Variants in OLFM3 observed in about 807,000 individuals in gnomAD.
The protein encoded by OLFM3 is noelin-3.
A neutral mutation model predicts 48.6 loss-of-function variants in OLFM3; 20 were observed. That is an observed-to-expected ratio of 0.41 (90% CI 0.29 to 0.60). The LOEUF (loss-of-function observed/expected upper bound fraction) is 0.60. Ranked by LOEUF, OLFM3 falls within the 20% of genes least tolerant of loss-of-function variation. OLFM3 has a pLI of 0.28. For synonymous variants in OLFM3, 222 were observed against 198.1 expected, an observed-to-expected ratio of 1.12 and a Z score of -1.01; for missense variants, 437 against 544.3, an observed-to-expected ratio of 0.80 and a Z score of 1.96.
At chr1:101,976,761 A>G (rs1278177485) in intron 1 of OLFM3, among the ~76,000 whole-genome samples, 1 of 152,212 alleles carries the variant, frequency 6.6e-6, no homozygotes, top group Non-Finnish European at 1.5e-5. Flanking sequence ...TCTGTAAATT[A>G]GAAAAGTAAT....
At chr1:101,889,431 T>G (rs1423634010) in intron 1 of OLFM3, among the ~76,000 whole-genome samples, 1 of 152,032 alleles carries the variant, frequency 6.6e-6, no homozygotes, top group African/African-American at 2.4e-5. Context: ...ATGTTTTCAT[T>G]TATAGGTGGG....
chr1:101,919,044 A>C (rs1412700705), intron 1 of OLFM3, among the ~76,000 whole-genome samples: 1 of 152,180 alleles, frequency 6.6e-6, no homozygotes, highest in Admixed American at 6.6e-5. Context: ...GTTCACTGTT[A>C]CATATCAACC....
intron 1 of OLFM3, among the ~76,000 whole-genome samples, chr1:101,968,555 A>T (rs1660690720): frequency 1.4e-5 from 2 of 139,152 alleles, no homozygotes; most frequent in Admixed American, 1.4e-4. Flanking sequence ...AAAAAAAGGC[A>T]TTAGTACCCC....
chr1:101,814,235 A>G (rs747102263), intron 4 of OLFM3, among the ~76,000 whole-genome samples: 6 of 148,712 alleles, frequency 4.0e-5, no homozygotes, highest in Non-Finnish European at 7.4e-5. Context: ...TATGTGCTTC[A>G]TTCATTTATT....
intron 1 of OLFM3, among the ~76,000 whole-genome samples, chr1:101,973,160 A>G (rs940033769): frequency 6.6e-6 from 1 of 152,266 alleles, no homozygotes; most frequent in Non-Finnish European, 1.5e-5. Context: ...TCATATAATT[A>G]TAGAAGCCCA....
intron 1 of OLFM3, among the ~76,000 whole-genome samples, chr1:101,894,791 T>C (rs983640709): frequency 1.3e-5 from 2 of 152,182 alleles, no homozygotes; most frequent in African/African-American, 4.8e-5. Context: ...ATTCTATAAC[T>C]GTGTAACTTT....
chr1:101,860,982 G>A (rs1025055965), intron 1 of OLFM3, among the ~76,000 whole-genome samples: 1 of 152,036 alleles, frequency 6.6e-6, no homozygotes, highest in Non-Finnish European at 1.5e-5. Flanking sequence ...TTTTAGGGAC[G>A]GATCCTACTA....
At chr1:101,820,959 C>T (rs969051826) in intron 4 of OLFM3, among the ~76,000 whole-genome samples, 8 of 151,994 alleles carry the variant, frequency 5.3e-5, no homozygotes, top group African/African-American at 1.7e-4. Flanking sequence ...GCTGTTGTTA[C>T]TATATTGCTG....
intron 1 of OLFM3, chr1:101,846,761 A>C: frequency 1.0e-6 from 1 of 986,246 alleles, no homozygotes; most frequent in Non-Finnish European, 1.6e-6. Context: ...GCAGAAGCAA[A>C]ATCTTAGCCT....
chr1:101,910,165 A>T (rs1658700441), intron 1 of OLFM3: 1 of 984,626 alleles, frequency 1.0e-6, no homozygotes. Flanking sequence ...AGTATCTATC[A>T]TGTTAAAAAG....
At chr1:101,890,642 G>T (rs529390580) in intron 1 of OLFM3, among the ~76,000 whole-genome samples, 1 of 149,738 alleles carries the variant, frequency 6.7e-6, no homozygotes, top group Admixed American at 6.7e-5. Flanking sequence ...TCTGATATCT[G>T]CATAAAATTA....
Position 101,871,438 on chromosome 1 carries a change from A to T in OLFM3, c.70-34413T>A, listed in dbSNP as rs915616845. ...AAGGTTAGTTTTACTTTACTAGTTA[A>T]TTTACTCATAGTAAATTGTGTAAAA... On this transcript the variant is annotated intron_variant, in intron 1 of 5. Transcript: ENST00000370103. Among the ~76,000 whole-genome samples the T allele has an allele frequency of 2.0e-5, 3 of 152,112 alleles. No homozygotes were observed. The East Asian group carries it at 5.8e-4, about 29-fold the overall frequency.
In OLFM3 at chr1:101,847,965, G is replaced by A. The variant is rs182616407; in HGVS notation, c.70-10940C>T. Among the ~76,000 whole-genome samples the A allele has an allele frequency of 5.9e-4, 90 of 152,140 alleles. 1 individual carries two copies. The highest frequency in any genetic ancestry group is 1.6e-4 in the Non-Finnish European group (11 of 67,998). ...GGCTTCAGTTTTTTCTACAATATAA[G>A]GATGTTGGAAAATATGCTCTCCAAG... On this transcript the variant is annotated intron_variant, in intron 1 of 5. Transcript: ENST00000370103.
At chr1:101,879,047 G>A (rs1400096404) in intron 1 of OLFM3, among the ~76,000 whole-genome samples, 1 of 151,806 alleles carries the variant, frequency 6.6e-6, no homozygotes, top group Non-Finnish European at 1.5e-5. Context: ...GGATAATTTG[G>A]AATGAACTGA....
intron 1 of OLFM3, among the ~76,000 whole-genome samples, chr1:101,991,940 A>T (rs1661423945): frequency 6.6e-6 from 1 of 152,068 alleles, no homozygotes; most frequent in Admixed American, 6.6e-5. Context: ...TGATATTACT[A>T]ACTAGACCCT....
intron 2 of OLFM3, among the ~76,000 whole-genome samples, chr1:101,835,578 G>C (rs139165016): frequency 0.021 from 3,142 of 152,312 alleles, 42 homozygotes; most frequent in African/African-American, 0.04. Context: ...GCCTCCCAAA[G>C]TGTTGGGATT....
At chr1:101,899,069 C>T (rs113290320) in intron 1 of OLFM3, among the ~76,000 whole-genome samples, 266 of 152,260 alleles carry the variant, frequency 1.7e-3, no homozygotes, top group African/African-American at 5.7e-3. Flanking sequence ...TCACAGTTTC[C>T]GTGCCAGGAA....
chr1:101,881,927 G>A (rs566692142), intron 1 of OLFM3, among the ~76,000 whole-genome samples: 16 of 151,424 alleles, frequency 1.1e-4, no homozygotes, highest in Non-Finnish European at 2.1e-4. Context: ...TGCCTGTAGG[G>A]TGTACTGTAT....
chr1:101,852,654 A>C (rs1656268647), intron 1 of OLFM3, among the ~76,000 whole-genome samples: 1 of 152,116 alleles, frequency 6.6e-6, no homozygotes, highest in African/African-American at 2.4e-5. Context: ...CACATTGAAA[A>C]AGTGAGATCC....
Sources: gnomAD v4.1 joint callset for allele counts (sites outside exome capture counted in the v4.1 genomes callset) on GRCh38, gnomAD v4.1.1 for gene constraint, MANE v1.5 for transcripts, NCBI Gene and HGNC (gene_info 2026-07-23, HGNC 2026-07-21) for gene names.